The following HSD17B12 variants were observed in gnomAD, a reference collection of about 807,000 sequenced individuals.
HSD17B12 encodes hydroxysteroid 17-beta dehydrogenase 12.
Under a neutral mutation model 39.3 loss-of-function variants are expected in HSD17B12, and 32 were observed. That is an observed-to-expected ratio of 0.81 (90% CI 0.61 to 1.09). HSD17B12 has a LOEUF of 1.09. Among genes scored for constraint, HSD17B12 ranks in the 50% least tolerant of loss-of-function variants. The pLI is 0.00. For missense variants in HSD17B12, 342 were observed against 382.9 expected, an observed-to-expected ratio of 0.89 and a Z score of 0.89; for synonymous variants, 150 against 146.7, an observed-to-expected ratio of 1.02 and a Z score of -0.16.
chr11:43,604,573 A>G, the HSD17B12 span, among the ~76,000 whole-genome samples: 1 of 152,244 alleles, frequency 6.6e-6, no homozygotes, highest in Non-Finnish European at 1.5e-5. Flanking sequence ...AAACTGAAAC[A>G]CAAAATGGGA....
chr11:43,748,642 T>G (rs1015409227), intron 1 of HSD17B12, among the ~76,000 whole-genome samples: 2 of 152,168 alleles, frequency 1.3e-5, no homozygotes, highest in African/African-American at 4.8e-5. Flanking sequence ...ACAAAAGTTA[T>G]GAATTGATCA....
chr11:43,743,489 T>C, intron 1 of HSD17B12, among the ~76,000 whole-genome samples: 1 of 152,038 alleles, frequency 6.6e-6, no homozygotes, highest in Non-Finnish European at 1.5e-5. Flanking sequence ...AGCACAGGAA[T>C]TGGAAGTATC....
At chr11:43,766,194 A>G (rs1295492777) in intron 3 of HSD17B12, among the ~76,000 whole-genome samples, 3 of 152,114 alleles carry the variant, frequency 2.0e-5, no homozygotes, top group Non-Finnish European at 2.9e-5. Flanking sequence ...TAATTATTTT[A>G]ATGTGTTTAG....
intron 1 of HSD17B12, among the ~76,000 whole-genome samples, chr11:43,695,377 G>A (rs1949901223): frequency 6.6e-6 from 1 of 152,068 alleles, no homozygotes; most frequent in Non-Finnish European, 1.5e-5. Context: ...TCAGGAGTTT[G>A]AGACCAGCCT....
At chr11:43,765,290 TA>T (rs543608395) in intron 3 of HSD17B12, among the ~76,000 whole-genome samples, 2 of 152,234 alleles carry the variant, frequency 1.3e-5, no homozygotes, top group East Asian at 3.9e-4. Flanking sequence ...TCTCTGGGTA[TA>T]AAATTATAGA....
At chr11:43,804,026 A>G (rs957492558) in intron 4 of HSD17B12, among the ~76,000 whole-genome samples, 1 of 152,196 alleles carries the variant, frequency 6.6e-6, no homozygotes, top group Non-Finnish European at 1.5e-5. Context: ...GGCGTAATTT[A>G]CCAAGGCCAA....
At chr11:43,753,828 T>G (rs575879733) in intron 2 of HSD17B12, among the ~76,000 whole-genome samples, 6 of 152,328 alleles carry the variant, frequency 3.9e-5, no homozygotes, top group African/African-American at 1.2e-4. Context: ...TCCCTCCTTC[T>G]AAAACCCTTT....
chr11:43,842,015 GT>G (rs1183759583), intron 9 of HSD17B12, among the ~76,000 whole-genome samples: 17 of 152,114 alleles, frequency 1.1e-4, no homozygotes, highest in Non-Finnish European at 1.5e-5. Context: ...CTTAGAGAGG[GT>G]AAGCCACTTG....
chr11:43,624,986 A>T, the HSD17B12 span, among the ~76,000 whole-genome samples: 1 of 151,806 alleles, frequency 6.6e-6, no homozygotes, highest in African/African-American at 2.4e-5. Context: ...TCAAATATGG[A>T]TCTGTGGTAT....
chr11:43,714,781 G>A (rs1166880305), intron 1 of HSD17B12, among the ~76,000 whole-genome samples: 1 of 152,128 alleles, frequency 6.6e-6, no homozygotes, highest in Non-Finnish European at 1.5e-5. Context: ...CCATTTGTTT[G>A]TATCCTCTTT....
chr11:43,783,585 C>T (rs1177115997), intron 3 of HSD17B12, among the ~76,000 whole-genome samples: 1 of 151,860 alleles, frequency 6.6e-6, no homozygotes, highest in Non-Finnish European at 1.5e-5. Context: ...CCTGAACAGG[C>T]CCTGGTGTGT....
the HSD17B12 span, among the ~76,000 whole-genome samples, chr11:43,620,116 G>T: frequency 1.3e-5 from 2 of 152,170 alleles, no homozygotes; most frequent in Non-Finnish European, 2.9e-5. Context: ...CAGCAAATCC[G>T]GATCCTGGCC....
At chr11:43,600,530 A>G in the HSD17B12 span, among the ~76,000 whole-genome samples, 2 of 152,126 alleles carry the variant, frequency 1.3e-5, no homozygotes, top group African/African-American at 4.8e-5. Flanking sequence ...TAGATTATTT[A>G]CATTTTCTGA....
the HSD17B12 span, chr11:43,645,665 A>G: frequency 6.6e-6 from 1 of 152,138 alleles, no homozygotes; most frequent in Non-Finnish European, 1.5e-5. Flanking sequence ...TAACTCCCCT[A>G]TTGTCTGGGT....
the HSD17B12 span, among the ~76,000 whole-genome samples, chr11:43,617,722 C>T: frequency 6.6e-6 from 1 of 152,082 alleles, no homozygotes; most frequent in Admixed American, 6.5e-5. Flanking sequence ...TGAACAGGGT[C>T]ATAAGTAGTG....
chr11:43,819,617 C>T (rs1260564775), intron 6 of HSD17B12, among the ~76,000 whole-genome samples: 2 of 152,178 alleles, frequency 1.3e-5, no homozygotes, highest in Non-Finnish European at 2.9e-5. Flanking sequence ...GCTTCTCCCA[C>T]CTCTTCATCC....
the HSD17B12 span, among the ~76,000 whole-genome samples, chr11:43,618,938 T>C: frequency 5.3e-5 from 8 of 151,566 alleles, no homozygotes; most frequent in African/African-American, 1.9e-4. Flanking sequence ...TCAATAGGGC[T>C]CAGACATGCA....
intron 6 of HSD17B12, among the ~76,000 whole-genome samples, chr11:43,827,679 C>T (rs1003483457): frequency 2.0e-5 from 3 of 152,180 alleles, no homozygotes; most frequent in African/African-American, 7.2e-5. Flanking sequence ...CAAGGATTTT[C>T]TAGGCCAGCC....
At chr11:43,839,199 C>T (rs371387891) in intron 8 of HSD17B12, among the ~76,000 whole-genome samples, 8 of 152,158 alleles carry the variant, frequency 5.3e-5, no homozygotes, top group South Asian at 4.1e-4. Context: ...AGCAAAACTC[C>T]GACTTCTTTT....
Sources: allele counts gnomAD v4.1 joint callset (sites outside exome capture counted in the v4.1 genomes callset), GRCh38; gene constraint gnomAD v4.1.1; transcripts MANE v1.5; gene names NCBI Gene and HGNC (gene_info 2026-07-23, HGNC 2026-07-21).